Variants in PLAGL1 observed in about 807,000 individuals in gnomAD.
The protein encoded by PLAGL1 is PLAG1 like zinc finger 1.
Under a neutral mutation model 4.6 loss-of-function variants are expected in PLAGL1, and 1 was observed. The ratio of observed to expected loss-of-function variants is 0.22; its 90% confidence interval spans 0.08 to 1.03. The LOEUF is 1.03. PLAGL1 is among the 50% of genes least tolerant of loss of function. The pLI is 0.58. For missense variants in PLAGL1, 464 were observed against 570.4 expected, an observed-to-expected ratio of 0.81 and a Z score of 1.90; for synonymous variants, 240 against 237.8, an observed-to-expected ratio of 1.01 and a Z score of -0.08.
chr6:143,957,117 C>G lies in PLAGL1; in HGVS notation c.-325+3352G>C, dbSNP rs1782321801. On this transcript the variant is annotated intron_variant, in intron 6 of 7. Transcript: ENST00000674357. The surrounding 1 kb of genome is among the most constrained non-coding windows in gnomAD (Gnocchi z 4.2). ...CTTTGACAGGCCTCCTCACCTCTCC[C>G]CACCATATGCATTGTATTTTTAAAT... 1.3e-5 allele frequency among the ~76,000 whole-genome samples: 2 copies of G among 152,204 alleles called. No homozygotes were observed. Among genetic ancestry groups the G allele is most frequent in the African/African-American group, 4.8e-5 (2 of 41,450 alleles).
At position 144,053,177 on chromosome 6, in the gene PLAGL1, C is replaced by G. The variant is rs893167798; in HGVS notation, c.-151+11291G>C. On this transcript the variant is annotated intron_variant, in intron 1 of 3. Transcript: ENST00000437412. This position sits in a 1 kb window ranked among gnomAD's most constrained non-coding sequence, Gnocchi z 4.0. ...TTTGAAATGGTCTCACTCTGTCGCC[C>G]AGGCTGGAGTGCAGTGGCGCAATTT... is the stretch of plus-strand genomic sequence containing the variant. Among the ~76,000 whole-genome samples, 4 of 152,188 alleles carry G rather than the reference C, an allele frequency of 2.6e-5. No homozygotes were observed. Among genetic ancestry groups the G allele is most frequent in the African/African-American group, 9.7e-5 (4 of 41,448 alleles).
In PLAGL1 at chr6:143,994,536, T is replaced by G. The variant is rs1791224680; in HGVS notation, c.-583-9362A>C. 6.6e-6 allele frequency among the ~76,000 whole-genome samples: 1 copy of G among 152,196 alleles called. No homozygotes were observed. Among genetic ancestry groups the G allele is most frequent in the Non-Finnish European group, 1.5e-5 (1 of 68,034 alleles). On this transcript the variant is annotated intron_variant, in intron 1 of 7. Transcript: ENST00000674357. The surrounding 1 kb of genome is among the most constrained non-coding windows in gnomAD (Gnocchi z 4.3). Reference sequence around the variant, plus strand: ...CTACTTCACAGTAGCTCTTGAAATCTCAAGTAGGAACGAAATGAAACTAAT... The same window carrying G: ...CTACTTCACAGTAGCTCTTGAAATCGCAAGTAGGAACGAAATGAAACTAAT...
intron 1 of PLAGL1, among the ~76,000 whole-genome samples, chr6:143,987,373 G>A (rs1056463369): frequency 6.7e-6 from 1 of 150,150 alleles, no homozygotes; most frequent in East Asian, 2.0e-4. Flanking sequence ...TTCATCAGAG[G>A]TTCTGGAGGA....
chr6:143,950,358 C>G lies in PLAGL1; in HGVS notation c.-324-1898G>C, dbSNP rs1780785599. Among the ~76,000 whole-genome samples, 1 of 152,196 alleles carries G rather than the reference C, an allele frequency of 6.6e-6. No individual in the cohort carries two copies. Among genetic ancestry groups the G allele is most frequent in the South Asian group, 2.1e-4 (1 of 4,832 alleles). ...TTCTAGTTCATGCCTGAGGCCCTATCTTGAGGAATCCTCAACAGCCCTGGT... is the reference window on the plus strand; with the variant it reads ...TTCTAGTTCATGCCTGAGGCCCTATGTTGAGGAATCCTCAACAGCCCTGGT... On this transcript the variant is annotated intron_variant, in intron 6 of 7. Coordinates refer to ENST00000674357, the MANE Select transcript of PLAGL1 (RefSeq NM_001317162.2). This position sits in a 1 kb window ranked among gnomAD's most constrained non-coding sequence, Gnocchi z 6.3.
chr6:143,951,297 A>G lies in PLAGL1; in HGVS notation c.-324-2837T>C, dbSNP rs549447818. The stretch of plus-strand genomic sequence containing the variant: ...AAAAGTACTATAGAACCATGTGTCA[A>G]TGTACAGCTCATGTTCTAACCATTT... On this transcript the variant is annotated intron_variant, in intron 6 of 7. Transcript: ENST00000674357. 1.0e-3 allele frequency among the ~76,000 whole-genome samples: 159 copies of G among 152,364 alleles called. 1 individual carries two copies. The highest frequency in any genetic ancestry group is 2.5e-3 in the Admixed American group (39 of 15,308).
Position 143,968,384 on chromosome 6 carries a change from G to A in PLAGL1, c.-472+523C>T, listed in dbSNP as rs1254277741. 6.6e-6 allele frequency: 1 copy of A among 151,924 alleles called. No homozygotes were observed. The highest frequency in any genetic ancestry group is 1.5e-5 in the Non-Finnish European group (1 of 68,004). 9.4% of individuals were successfully genotyped at this position (151,924 alleles called of 1,614,324 possible). A position where few individuals can be genotyped will look rare whatever the true frequency, so the allele number is the denominator to read the frequency against. ...GAATCATCTCATATTATGATTTTAGGAGAGTGGTTTAGAGACTCTGAATTG... is the reference window on the plus strand; with the variant it reads ...GAATCATCTCATATTATGATTTTAGAAGAGTGGTTTAGAGACTCTGAATTG... On this transcript the variant is annotated intron_variant, in intron 3 of 7. Coordinates refer to ENST00000674357, the MANE Select transcript of PLAGL1 (RefSeq NM_001317162.2). This position sits in a 1 kb window ranked among gnomAD's most constrained non-coding sequence, Gnocchi z 6.3.
rs73781357 is a variant in PLAGL1 at position 144,034,235 on chromosome 6, C to T, written c.-151+30233G>A. On this transcript the variant is annotated intron_variant, in intron 1 of 3. Coordinates refer to the PLAGL1 transcript ENST00000437412. This position sits in a 1 kb window ranked among gnomAD's most constrained non-coding sequence, Gnocchi z 4.7. ...CCTCCTGGGGTGCCTCATTCCAGGG[C>T]TCTTCCATCTTTCTCTAGCTGCCAA... is the stretch of plus-strand genomic sequence containing the variant. Among the ~76,000 whole-genome samples the T allele has an allele frequency of 0.024, 3,671 of 152,212 alleles. 146 individuals carry two copies. Among genetic ancestry groups the T allele is most frequent in the African/African-American group, 0.082 (3,393 of 41,506 alleles).
chr6:144,037,855 C>A (rs1211813077), intron 1 of PLAGL1, among the ~76,000 whole-genome samples: 1 of 152,168 alleles, frequency 6.6e-6, no homozygotes. Context: ...ATGAAAAGCA[C>A]GTACTCTTGA....
rs1562498600 is a variant in PLAGL1 at position 143,985,920 on chromosome 6, TACAC to T, written c.-583-750_-583-747del. 6.9e-6 allele frequency among the ~76,000 whole-genome samples: 1 copy of T among 145,104 alleles called. No homozygotes were observed. The highest frequency in any genetic ancestry group is 2.5e-5 in the African/African-American group (1 of 39,538). On this transcript the variant is annotated intron_variant, in intron 1 of 7. Coordinates refer to ENST00000674357, the MANE Select transcript of PLAGL1 (RefSeq NM_001317162.2). This position sits in a 1 kb window ranked among gnomAD's most constrained non-coding sequence, Gnocchi z 4.4. ...TTATGTGTGTGTGTGTGTGTGTGTA[TACAC>T]ACACATATATATAAAAGATATATAT...
rs1186064317 is a variant in PLAGL1 at position 144,039,098 on chromosome 6, C to T, written c.-151+25370G>A. On this transcript the variant is annotated intron_variant, in intron 1 of 3. Transcript: ENST00000437412. The surrounding 1 kb of genome is among the most constrained non-coding windows in gnomAD (Gnocchi z 4.1). The stretch of plus-strand genomic sequence containing the variant: ...AAAGACATAAAGTAAAAACACAAGC[C>T]ACAAATTTGGGAGATAGGTTTGCTA... 1.3e-5 allele frequency among the ~76,000 whole-genome samples: 2 copies of T among 151,886 alleles called. No homozygotes were observed. Among genetic ancestry groups the T allele is most frequent in the East Asian group, 3.9e-4 (2 of 5,192 alleles).
At position 143,978,218 on chromosome 6, in the gene PLAGL1, T is replaced by G. The variant is rs1787143478; in HGVS notation, c.-544+6917A>C. Among the ~76,000 whole-genome samples, 1 of 152,166 alleles carries G rather than the reference T, an allele frequency of 6.6e-6. No individual in the cohort carries two copies. The highest frequency in any genetic ancestry group is 6.5e-5 in the Admixed American group (1 of 15,286). On this transcript the variant is annotated intron_variant, in intron 2 of 7. Coordinates refer to ENST00000674357, the MANE Select transcript of PLAGL1 (RefSeq NM_001317162.2). The surrounding 1 kb of genome is among the most constrained non-coding windows in gnomAD (Gnocchi z 4.6). ...TCAGTATTTACTTTCTTCTGCTCAC[T>G]GCAGGTTTAATTTGTTTCTCTTTTT...
chr6:143,984,862 T>C lies in PLAGL1; in HGVS notation c.-544+273A>G, dbSNP rs1339319510. 1.3e-5 allele frequency among the ~76,000 whole-genome samples: 2 copies of C among 152,152 alleles called. No individual in the cohort carries two copies. The highest frequency in any genetic ancestry group is 2.9e-5 in the Non-Finnish European group (2 of 68,012). On this transcript the variant is annotated intron_variant, in intron 2 of 7. Coordinates refer to ENST00000674357, the MANE Select transcript of PLAGL1 (RefSeq NM_001317162.2). This position sits in a 1 kb window ranked among gnomAD's most constrained non-coding sequence, Gnocchi z 5.5. The stretch of plus-strand genomic sequence containing the variant: ...CTATATACAACCTCAGCTCTGCCCT[T>C]TGCTCCCACTAACCATAACTCTGAT...
intron 1 of PLAGL1, among the ~76,000 whole-genome samples, chr6:144,023,672 T>C (rs1796130151): frequency 6.6e-6 from 1 of 151,930 alleles, no homozygotes; most frequent in Non-Finnish European, 1.5e-5. Context: ...GCTAGGTTTC[T>C]CTGTTAGGGA....
In PLAGL1 at chr6:143,941,886, G is replaced by A; in HGVS notation, c.930C>T (p.Tyr310=). 1 of 1,613,986 alleles carries A rather than the reference G, an allele frequency of 6.2e-7. No homozygotes were observed. The highest frequency in any genetic ancestry group is 8.5e-7 in the Non-Finnish European group (1 of 1,179,988). Reference sequence around the variant, plus strand: ...TGAGGGGCAGGCTTGCAAGTGGGGAGTATGAGGTAGAAGTGGTGTTGTACT... The same window carrying A: ...TGAGGGGCAGGCTTGCAAGTGGGGAATATGAGGTAGAAGTGGTGTTGTACT... ...NHKYNTTSTS[Y]SPLASLPLKA... Residue 310 remains tyrosine (Y), a synonymous_variant, in exon 8 of 8, where the codon TAC becomes TAT. Transcript: ENST00000674357. The surrounding 1 kb of genome is among the most constrained non-coding windows in gnomAD (Gnocchi z 6.0).
In PLAGL1 at chr6:144,053,925, C is replaced by T. The variant is rs1201120622; in HGVS notation, c.-151+10543G>A. Among the ~76,000 whole-genome samples, 1 of 152,180 alleles carries T rather than the reference C, an allele frequency of 6.6e-6. No individual in the cohort carries two copies. The highest frequency in any genetic ancestry group is 2.4e-5 in the African/African-American group (1 of 41,436). ...GATTATATTAATTATCACATGAATC[C>T]TGTCAAAGTACATACCAAGAAGAAC... On this transcript the variant is annotated intron_variant, in intron 1 of 3. Transcript: ENST00000437412. This position sits in a 1 kb window ranked among gnomAD's most constrained non-coding sequence, Gnocchi z 4.0.
At chr6:144,057,905 G>C (rs1799104829) in intron 1 of PLAGL1, among the ~76,000 whole-genome samples, 1 of 151,572 alleles carries the variant, frequency 6.6e-6, no homozygotes. Flanking sequence ...TTTAACTTTA[G>C]CCAGATCTCA....
Position 143,962,192 on chromosome 6 carries a change from A to T in PLAGL1, c.-398-1650T>A, listed in dbSNP as rs779673923. Among the ~76,000 whole-genome samples, 1 of 152,224 alleles carries T rather than the reference A, an allele frequency of 6.6e-6. No individual in the cohort carries two copies. Among genetic ancestry groups the T allele is most frequent in the Non-Finnish European group, 1.5e-5 (1 of 68,048 alleles). Reference sequence around the variant, plus strand: ...CAAGGCAGGCCTGGTCTGGGGGGAAAATCATGTGCAGTATATGACGATTTA... The same window carrying T: ...CAAGGCAGGCCTGGTCTGGGGGGAATATCATGTGCAGTATATGACGATTTA... On this transcript the variant is annotated intron_variant, in intron 5 of 7. Coordinates refer to ENST00000674357, the MANE Select transcript of PLAGL1 (RefSeq NM_001317162.2). The surrounding 1 kb of genome is among the most constrained non-coding windows in gnomAD (Gnocchi z 5.3).
At chr6:144,045,400 C>A (rs1247530258) in intron 1 of PLAGL1, among the ~76,000 whole-genome samples, 5 of 152,154 alleles carry the variant, frequency 3.3e-5, no homozygotes, top group Non-Finnish European at 1.5e-5. Flanking sequence ...AATCTCTCAG[C>A]ATTTGCTTGT....
In PLAGL1 at chr6:144,004,516, A is replaced by G. The variant is rs924773808; in HGVS notation, c.-584+3574T>C. ...GAATAAACTGTATGACTCCGTTTAT[A>G]TGAAGTTTAAAAACATTTGAAAATA... is the stretch of plus-strand genomic sequence containing the variant. On this transcript the variant is annotated intron_variant, in intron 1 of 7. Coordinates refer to ENST00000674357, the MANE Select transcript of PLAGL1 (RefSeq NM_001317162.2). This position sits in a 1 kb window ranked among gnomAD's most constrained non-coding sequence, Gnocchi z 4.2. Among the ~76,000 whole-genome samples, 7 of 152,270 alleles carry G rather than the reference A, an allele frequency of 4.6e-5. No individual in the cohort carries two copies. The highest frequency in any genetic ancestry group is 1.0e-4 in the Non-Finnish European group (7 of 68,048).
Sources: gnomAD v4.1 joint callset for allele counts (sites outside exome capture counted in the v4.1 genomes callset) on GRCh38, gnomAD v4.1.1 for gene constraint, Gnocchi (gnomAD v3.1) non-coding constraint, MANE v1.5 for transcripts, NCBI Gene and HGNC (gene_info 2026-07-23, HGNC 2026-07-21) for gene names.